Variants in LRRC7 observed in about 807,000 individuals in gnomAD.
The protein encoded by LRRC7 is leucine rich repeat containing 7.
A neutral mutation model predicts 175.7 loss-of-function variants in LRRC7; 23 were observed. The ratio of observed to expected loss-of-function variants is 0.13; its 90% CI spans 0.09 to 0.19. The LOEUF is 0.19. LRRC7 is among the 10% of genes least tolerant of loss of function. The pLI, the probability that LRRC7 is intolerant of heterozygous loss-of-function variation, is 1.00. For missense variants in LRRC7, 1,354 were observed against 1,904.7 expected, an observed-to-expected ratio of 0.71 and a Z score of 5.38; for synonymous variants, 685 against 680.9, an observed-to-expected ratio of 1.01 and a Z score of -0.09.
chr1:69,866,142 G>A (rs1004038914), intron 7 of LRRC7, among the ~76,000 whole-genome samples: 3 of 152,162 alleles, frequency 2.0e-5, no homozygotes, highest in African/African-American at 7.2e-5. Flanking sequence ...AAGAGCCCAG[G>A]AGGGTGAGTC....
intron 8 of LRRC7, among the ~76,000 whole-genome samples, chr1:69,960,468 C>T (rs560662896): frequency 1.3e-4 from 19 of 151,920 alleles, no homozygotes; most frequent in Admixed American, 1.2e-3. Context: ...ATGGTTTGTC[C>T]CTTCTCTATC....
intron 4 of LRRC7, among the ~76,000 whole-genome samples, chr1:69,823,085 A>C (rs1167262630): frequency 1.1e-4 from 17 of 152,128 alleles, no homozygotes. Context: ...TGTCATCTAG[A>C]TTTTGATCCT....
chr1:70,013,189 A>G (rs918898373), intron 13 of LRRC7, 100 bp downstream of exon 13: 4 of 586,392 alleles, frequency 6.8e-6, no homozygotes, highest in South Asian at 5.9e-5. Context: ...GCGTTTCGAC[A>G]TATACGGAAT....
intron 2 of LRRC7, among the ~76,000 whole-genome samples, chr1:69,683,094 A>G (rs1425652890): frequency 6.6e-6 from 1 of 152,106 alleles, no homozygotes; most frequent in Non-Finnish European, 1.5e-5. Context: ...TTCAAAACCA[A>G]AACTATGATC....
rs550952364 is a variant in LRRC7 at position 69,888,274 on chromosome 1, T to G, written c.648-43233T>G. The stretch of plus-strand genomic sequence containing the variant: ...GCTGTGCTAGCAATCAGCGAGACTC[T>G]GTGGGCGTAGGACCCTCGGATCCAG... On this transcript the variant is annotated intron_variant, in intron 7 of 26. Transcript: ENST00000651989. 1.5e-3 allele frequency among the ~76,000 whole-genome samples: 223 copies of G among 152,284 alleles called. 1 individual carries two copies. Among genetic ancestry groups the G allele is most frequent in the African/African-American group, 5.1e-3 (210 of 41,566 alleles).
intron 10 of LRRC7, among the ~76,000 whole-genome samples, chr1:69,992,510 G>A (rs971322358): frequency 3.9e-5 from 6 of 152,156 alleles, no homozygotes; most frequent in African/African-American, 9.7e-5. Context: ...GTTAAATGCT[G>A]GAGGAAGACA....
intron 7 of LRRC7, among the ~76,000 whole-genome samples, chr1:69,882,921 T>G (rs1686783410): frequency 6.6e-6 from 1 of 152,056 alleles, no homozygotes; most frequent in African/African-American, 2.4e-5. Flanking sequence ...ATTTCATCCA[T>G]GTCCCTACAA....
At chr1:69,962,619 A>C (rs570507254) in intron 8 of LRRC7, among the ~76,000 whole-genome samples, 1 of 152,224 alleles carries the variant, frequency 6.6e-6, no homozygotes, top group South Asian at 2.1e-4. Context: ...AATGTAGTAC[A>C]TATACACCAA....
At chr1:70,096,745 G>A (rs1460965476) in intron 25 of LRRC7, among the ~76,000 whole-genome samples, 1 of 152,082 alleles carries the variant, frequency 6.6e-6, no homozygotes, top group African/African-American at 2.4e-5. Flanking sequence ...TTCGAGTTTT[G>A]TATGACTTGC....
At chr1:69,716,907 T>C (rs1665415668) in intron 2 of LRRC7, among the ~76,000 whole-genome samples, 1 of 151,834 alleles carries the variant, frequency 6.6e-6, no homozygotes, top group Non-Finnish European at 1.5e-5. Flanking sequence ...TCAGAGTTGA[T>C]TCTTTATCCA....
At chr1:70,080,753 G>T (rs1264635439) in intron 24 of LRRC7, among the ~76,000 whole-genome samples, 1 of 152,180 alleles carries the variant, frequency 6.6e-6, no homozygotes, top group Non-Finnish European at 1.5e-5. Flanking sequence ...TACTTGAAAA[G>T]GAGATTTTAG....
intron 8 of LRRC7, among the ~76,000 whole-genome samples, chr1:69,942,772 T>A (rs1264711195): frequency 6.6e-6 from 1 of 152,120 alleles, no homozygotes; most frequent in African/African-American, 2.4e-5. Context: ...CCTAAATTAA[T>A]CACATCTGTA....
intron 5 of LRRC7, among the ~76,000 whole-genome samples, chr1:69,829,380 CAT>C (rs1384993162): frequency 1.3e-5 from 2 of 151,872 alleles, no homozygotes; most frequent in South Asian, 2.1e-4. Context: ...TGGGTGGGCA[CAT>C]GTGATAATTT....
chr1:69,844,595 A>G (rs1682125059), intron 7 of LRRC7, among the ~76,000 whole-genome samples: 4 of 152,140 alleles, frequency 2.6e-5, no homozygotes, highest in African/African-American at 9.7e-5. Flanking sequence ...GTTGTTGGAC[A>G]TTTAAGTTGA....
intron 1 of LRRC7, among the ~76,000 whole-genome samples, chr1:69,595,731 G>A (rs577215621): frequency 4.6e-5 from 7 of 152,092 alleles, no homozygotes; most frequent in East Asian, 1.9e-4. Flanking sequence ...TCCTCATTTC[G>A]ACAACATTTC....
At chr1:69,955,099 C>T (rs982917434) in intron 8 of LRRC7, among the ~76,000 whole-genome samples, 12 of 152,040 alleles carry the variant, frequency 7.9e-5, no homozygotes, top group African/African-American at 2.9e-4. Flanking sequence ...TTATATGCCA[C>T]ACACAGAGCA....
chr1:70,055,777 A>G (rs1661103748), intron 23 of LRRC7, among the ~76,000 whole-genome samples: 2 of 152,194 alleles, frequency 1.3e-5, no homozygotes, highest in Admixed American at 1.3e-4. Flanking sequence ...CCGTGATTCA[A>G]ACACCTCCCA....
intron 8 of LRRC7, among the ~76,000 whole-genome samples, chr1:69,948,734 A>G (rs554268972): frequency 5.7e-4 from 87 of 152,258 alleles, no homozygotes; most frequent in Non-Finnish European, 1.1e-3. Flanking sequence ...GAGCTCCCCA[A>G]CCCACCATCT....
chr1:70,077,160 C>T (rs1662842740), intron 24 of LRRC7, among the ~76,000 whole-genome samples: 1 of 152,106 alleles, frequency 6.6e-6, no homozygotes, highest in African/African-American at 2.4e-5. Context: ...TCAAAATTAA[C>T]TTCATTCTCC....
Sources: allele counts gnomAD v4.1 joint callset (sites outside exome capture counted in the v4.1 genomes callset), GRCh38; gene constraint gnomAD v4.1.1; transcripts MANE v1.5; gene names NCBI Gene and HGNC (gene_info 2026-07-23, HGNC 2026-07-21).